Variants in ABCA13 observed in about 807,000 individuals in gnomAD.
ABCA13 encodes ATP binding cassette subfamily A member 13.
Under a neutral mutation model 478.7 loss-of-function variants are expected in ABCA13, and 476 were observed. The ratio of observed to expected loss-of-function variants is 0.99; its 90% confidence interval spans 0.92 to 1.07. ABCA13 has a LOEUF of 1.07. Among genes scored for constraint, ABCA13 ranks in the 50% least tolerant of loss-of-function variants. ABCA13 has a pLI of 0.00. For synonymous variants in ABCA13, 2,252 were observed against 2,158.9 expected (o/e 1.04, Z -1.20); for missense variants, 6,060 against 5,910.6 (o/e 1.03, Z -0.83).
chr7:48,604,561 T>C (rs1406719616), intron 58 of ABCA13, among the ~76,000 whole-genome samples: 1 of 152,246 alleles, frequency 6.6e-6, no homozygotes, highest in African/African-American at 2.4e-5. Flanking sequence ...TTCTTAATCC[T>C]GAGTTCTAAT....
At chr7:48,353,131 G>A (rs1809318077) in intron 31 of ABCA13, among the ~76,000 whole-genome samples, 1 of 151,830 alleles carries the variant, frequency 6.6e-6, no homozygotes, top group Non-Finnish European at 1.5e-5. Flanking sequence ...TGGTCGGACT[G>A]GGGCTCAGTG....
intron 48 of ABCA13, among the ~76,000 whole-genome samples, chr7:48,501,903 A>C (rs1830784779): frequency 6.6e-6 from 1 of 152,168 alleles, no homozygotes; most frequent in African/African-American, 2.4e-5. Context: ...GACTCCAGAC[A>C]TGTGGGTTCT....
intron 1 of ABCA13, among the ~76,000 whole-genome samples, chr7:48,178,146 T>G (rs894698542): frequency 3.3e-5 from 5 of 152,240 alleles, no homozygotes; most frequent in Non-Finnish European, 5.9e-5. Flanking sequence ...GATCTGAATT[T>G]GCTTCTAAAC....
intron 55 of ABCA13, among the ~76,000 whole-genome samples, chr7:48,530,151 T>A (rs554510301): frequency 2.9e-4 from 44 of 152,238 alleles, no homozygotes; most frequent in African/African-American, 1.1e-3. Flanking sequence ...TGTGTCCTAA[T>A]AGCTTAACTT....
chr7:48,245,919 T>C lies in ABCA13; in HGVS notation c.1548T>C (p.Phe516=), dbSNP rs1791596541. The C allele has an allele frequency of 1.9e-6, 3 of 1,613,780 alleles. No homozygotes were observed. Among genetic ancestry groups the C allele is most frequent in the East Asian group, 2.2e-5 (1 of 44,856 alleles). The change falls in exon 13 of 62, where the codon TTT becomes TTC. Residue 516 remains phenylalanine (F), a synonymous_variant. Coordinates refer to ENST00000435803, the MANE Select transcript of ABCA13 (RefSeq NM_152701.5). ...GTCGTTTCTCTGAGAAGGAGGTCTT[T>C]TTGCCGCCTGGAAACTCCAGCATAT... ...PNGRFSEKEV[F]LPPGNSSIWG...
At chr7:48,330,279 A>G (rs1253743883) in intron 27 of ABCA13, among the ~76,000 whole-genome samples, 2 of 151,626 alleles carry the variant, frequency 1.3e-5, no homozygotes, top group Non-Finnish European at 2.9e-5. Context: ...CCATCCACAC[A>G]TCTATCTGTC....
At chr7:48,626,653 G>A in intron 59 of ABCA13, 1 of 985,482 alleles carries the variant, frequency 1.0e-6, no homozygotes, top group Non-Finnish European at 1.2e-6. Context: ...ACATGGAGAA[G>A]GCAGCATGGG....
chr7:48,430,619 A>T (rs6942708), intron 42 of ABCA13, among the ~76,000 whole-genome samples: 2 of 148,568 alleles, frequency 1.3e-5, no homozygotes, highest in South Asian at 2.2e-4. Context: ...GGTTGCAGTG[A>T]GCTGAGATTG....
intron 55 of ABCA13, among the ~76,000 whole-genome samples, chr7:48,540,852 C>A (rs1394211900): frequency 6.6e-6 from 1 of 152,058 alleles, no homozygotes; most frequent in African/African-American, 2.4e-5. Context: ...GGCCAGAAAT[C>A]ACATGCATTT....
At chr7:48,179,021 T>A (rs973849115) in intron 1 of ABCA13, among the ~76,000 whole-genome samples, 37 of 139,230 alleles carry the variant, frequency 2.7e-4, no homozygotes, top group African/African-American at 7.5e-4. Context: ...ATAATAATAA[T>A]AAAAACAAAG....
chr7:48,483,042 G>A lies in ABCA13; in HGVS notation c.13095-34G>A, dbSNP rs373636876. The A allele has an allele frequency of 5.5e-5, 87 of 1,568,692 alleles. No individual in the cohort carries two copies. The African/African-American group carries it at 1.1e-3, about 20-fold the overall frequency. On this transcript the variant is annotated intron_variant, in intron 46 of 61. Coordinates refer to ENST00000435803, the MANE Select transcript of ABCA13 (RefSeq NM_152701.5). ...TGATTAGAAGTCCTGGTGCTCTGTG[G>A]TTGAAGCACTAACACAATGTTCATT...
At chr7:48,622,688 T>C (rs897462442) in intron 59 of ABCA13, among the ~76,000 whole-genome samples, 2 of 152,194 alleles carry the variant, frequency 1.3e-5, no homozygotes, top group African/African-American at 2.4e-5. Context: ...GCAAGATATA[T>C]AGATTATCTA....
At chr7:48,406,343 T>C (rs1818255111) in intron 39 of ABCA13, among the ~76,000 whole-genome samples, 1 of 152,226 alleles carries the variant, frequency 6.6e-6, no homozygotes, top group Non-Finnish European at 1.5e-5. Flanking sequence ...TGAGCTTCAG[T>C]GTTCTCATTT....
chr7:48,366,081 A>G (rs1178709820), intron 31 of ABCA13, among the ~76,000 whole-genome samples: 1 of 152,126 alleles, frequency 6.6e-6, no homozygotes, highest in Non-Finnish European at 1.5e-5. Flanking sequence ...GCATCACACT[A>G]CTTGTCTTCA....
At chr7:48,623,123 A>G (rs564285792) in intron 59 of ABCA13, among the ~76,000 whole-genome samples, 5 of 152,330 alleles carry the variant, frequency 3.3e-5, no homozygotes, top group Middle Eastern at 3.4e-3. Flanking sequence ...TGAACATGCA[A>G]ACTCTCGCTG....
chr7:48,218,722 G>C (rs1336110968), intron 3 of ABCA13, among the ~76,000 whole-genome samples: 1 of 152,084 alleles, frequency 6.6e-6, no homozygotes, highest in Non-Finnish European at 1.5e-5. Flanking sequence ...TCTCTAAATA[G>C]CTGACTTGAA....
At chr7:48,580,949 G>A (rs1026135016) in intron 56 of ABCA13, among the ~76,000 whole-genome samples, 2 of 152,152 alleles carry the variant, frequency 1.3e-5, no homozygotes, top group African/African-American at 4.8e-5. Context: ...AGAGGCAGGT[G>A]GAGCAGTGAG....
intron 58 of ABCA13, among the ~76,000 whole-genome samples, chr7:48,609,448 C>T (rs190404526): frequency 1.3e-5 from 2 of 152,228 alleles, no homozygotes; most frequent in African/African-American, 4.8e-5. Context: ...AAAAAAGTCT[C>T]GTATTGGACA....
intron 19 of ABCA13, among the ~76,000 whole-genome samples, chr7:48,286,344 C>G (rs1476402705): frequency 1.3e-5 from 2 of 152,202 alleles, no homozygotes; most frequent in Non-Finnish European, 2.9e-5. Context: ...TCTCCCACCC[C>G]TCTAGCCCCT....
Sources: gnomAD v4.1 joint callset for allele counts (sites outside exome capture counted in the v4.1 genomes callset) on GRCh38, gnomAD v4.1.1 for gene constraint, MANE v1.5 for transcripts, NCBI Gene and HGNC (gene_info 2026-07-23, HGNC 2026-07-21) for gene names.